The following ANKFN1 variants were observed in gnomAD, a reference collection of about 807,000 sequenced individuals.
ANKFN1 encodes the protein ankyrin repeat and fibronectin type-III domain-containing protein 1.
Under a neutral mutation model 108.7 loss-of-function variants are expected in ANKFN1, and 74 were observed. The observed-to-expected ratio is 0.68, with a 90% CI of 0.56 to 0.83. The LOEUF (loss-of-function observed/expected upper bound fraction) is 0.83, where lower values mean the gene tolerates loss of function less well. Ranked by LOEUF, ANKFN1 falls within the 40% of genes least tolerant of loss-of-function variation. The probability of loss-of-function intolerance (pLI) is 0.00; values close to 1 mark genes in which losing one functional copy is unlikely to be tolerated. For missense variants in ANKFN1, 1,505 were observed against 1,382.3 expected (o/e 1.09, Z -1.41); for synonymous variants, 547 against 516.2 (o/e 1.06, Z -0.81).
intron 3 of ANKFN1, among the ~76,000 whole-genome samples, chr17:56,270,516 G>A (rs184080801): frequency 5.0e-4 from 76 of 152,244 alleles, no homozygotes; most frequent in South Asian, 1.5e-3. Flanking sequence ...TCTAGATCCT[G>A]GCAACCCCCT....
chr17:56,291,891 G>A (rs1460190815), intron 3 of ANKFN1, among the ~76,000 whole-genome samples: 4 of 152,168 alleles, frequency 2.6e-5, no homozygotes, highest in Non-Finnish European at 5.9e-5. Flanking sequence ...CAAAGAACCA[G>A]GAATTAGTTA....
At chr17:56,444,965 A>T (rs1205646864) in intron 10 of ANKFN1, among the ~76,000 whole-genome samples, 1 of 152,140 alleles carries the variant, frequency 6.6e-6, no homozygotes, top group African/African-American at 2.4e-5. Flanking sequence ...CAGGTCAGAC[A>T]GGGCCTTGGA....
At chr17:56,242,327 C>T (rs866313665) in intron 3 of ANKFN1, among the ~76,000 whole-genome samples, 5 of 151,914 alleles carry the variant, frequency 3.3e-5, no homozygotes, top group Admixed American at 6.6e-5. Flanking sequence ...TGTACTATTC[C>T]GTCCATGGGT....
chr17:56,433,576 A>C (rs2048830889), intron 8 of ANKFN1, among the ~76,000 whole-genome samples: 1 of 152,172 alleles, frequency 6.6e-6, no homozygotes, highest in African/African-American at 2.4e-5. Flanking sequence ...GTACTCAGAA[A>C]TGGAAAAACC....
intron 20 of ANKFN1, among the ~76,000 whole-genome samples, chr17:56,504,801 C>A (rs527261469): frequency 2.0e-5 from 3 of 150,892 alleles, no homozygotes; most frequent in Non-Finnish European, 4.4e-5. Flanking sequence ...ATTACAGGTG[C>A]CCACCACCAC....
chr17:56,412,546 G>A (rs2048122792), intron 8 of ANKFN1, among the ~76,000 whole-genome samples: 1 of 152,182 alleles, frequency 6.6e-6, no homozygotes, highest in Admixed American at 6.5e-5. Flanking sequence ...AGCAGGCAGA[G>A]GAATGTGGAA....
At chr17:56,480,630 T>C (rs1199518355) in intron 16 of ANKFN1, 38 bp from the exon 17 acceptor site, 5 of 1,607,676 alleles carry the variant, frequency 3.1e-6, no homozygotes, top group Non-Finnish European at 4.3e-6. Context: ...TTCTGAACTT[T>C]TGTTATATTT....
At chr17:56,075,861 T>G (rs1905175092) in intron 4 of ANKFN1, among the ~76,000 whole-genome samples, 1 of 152,162 alleles carries the variant, frequency 6.6e-6, no homozygotes, top group Admixed American at 6.5e-5. Context: ...TGTCAAGCAC[T>G]GACGGCAGAC....
chr17:56,251,836 A>G (rs962054935), intron 3 of ANKFN1, among the ~76,000 whole-genome samples: 2 of 152,344 alleles, frequency 1.3e-5, no homozygotes, highest in South Asian at 4.1e-4. Flanking sequence ...CTGAGACCCT[A>G]CAAAAGAATC....
At chr17:56,239,781 AGGCTACT>A (rs916966165) in intron 3 of ANKFN1, among the ~76,000 whole-genome samples, 1 of 152,100 alleles carries the variant, frequency 6.6e-6, no homozygotes, top group Admixed American at 6.6e-5. Flanking sequence ...TTTCTTTGGC[AGGCTACT>A]GGTCAGCATA....
At chr17:56,328,311 A>C (rs549780772) in intron 4 of ANKFN1, among the ~76,000 whole-genome samples, 1 of 152,276 alleles carries the variant, frequency 6.6e-6, no homozygotes, top group Non-Finnish European at 1.5e-5. Flanking sequence ...TGATTTGAGA[A>C]GCTCTAGAAG....
intron 6 of ANKFN1, among the ~76,000 whole-genome samples, chr17:56,371,108 T>G (rs1017663941): frequency 1.3e-5 from 2 of 152,178 alleles, no homozygotes; most frequent in African/African-American, 2.4e-5. Flanking sequence ...TATATTTATT[T>G]GTTTATTTTT....
intron 4 of ANKFN1, among the ~76,000 whole-genome samples, chr17:56,344,940 A>G (rs1168114066): frequency 1.3e-5 from 2 of 152,024 alleles, no homozygotes; most frequent in African/African-American, 2.4e-5. Flanking sequence ...AGTTTGTTAC[A>G]TAGGTATACA....
At chr17:56,074,708 A>G (rs1905161274) in intron 4 of ANKFN1, among the ~76,000 whole-genome samples, 1 of 152,190 alleles carries the variant, frequency 6.6e-6, no homozygotes, top group Non-Finnish European at 1.5e-5. Flanking sequence ...TCCCAGAAAA[A>G]TGGAATATTT....
At chr17:56,299,848 TA>T (rs1299071434) in intron 3 of ANKFN1, among the ~76,000 whole-genome samples, 2 of 152,226 alleles carry the variant, frequency 1.3e-5, no homozygotes, top group Non-Finnish European at 2.9e-5. Context: ...TTGGACTCCA[TA>T]AGCATTTGTT....
At chr17:56,131,468 CAAAAATA>C (rs1486543676) in intron 4 of ANKFN1, among the ~76,000 whole-genome samples, 1 of 151,990 alleles carries the variant, frequency 6.6e-6, no homozygotes, top group South Asian at 2.1e-4. Context: ...TTTCAGTTGG[CAAAAATA>C]AAAAATAAAA....
chr17:56,061,423 C>T (rs1034039207), intron 4 of ANKFN1, among the ~76,000 whole-genome samples: 10 of 151,844 alleles, frequency 6.6e-5, no homozygotes, highest in African/African-American at 2.2e-4. Context: ...AGGTGCCTGC[C>T]ACCATGCCCA....
intron 8 of ANKFN1, among the ~76,000 whole-genome samples, chr17:56,394,408 C>G (rs925972029): frequency 6.6e-6 from 1 of 152,174 alleles, no homozygotes. Context: ...AGCCATGAAG[C>G]CTTGGCGGAG....
chr17:56,424,817 T>A (rs2048508597), intron 8 of ANKFN1, among the ~76,000 whole-genome samples: 1 of 152,218 alleles, frequency 6.6e-6, no homozygotes, highest in Admixed American at 6.5e-5. Flanking sequence ...CTTGCCACTA[T>A]CTGAGTGTTG....
Sources: allele counts gnomAD v4.1 joint callset (sites outside exome capture counted in the v4.1 genomes callset), GRCh38; gene constraint gnomAD v4.1.1; transcripts MANE v1.5; gene names NCBI Gene and HGNC (gene_info 2026-07-23, HGNC 2026-07-21).